Variants in WWC1 observed in about 807,000 individuals in gnomAD.
The protein encoded by WWC1 is protein KIBRA.
Under a neutral mutation model 138.4 loss-of-function variants are expected in WWC1, and 55 were observed. The observed-to-expected ratio is 0.40, with a 90% CI of 0.32 to 0.50. The LOEUF is 0.50. Ranked by LOEUF, WWC1 falls within the 20% of genes least tolerant of loss-of-function variation. The probability of loss-of-function intolerance (pLI) is 0.72; values close to 1 mark genes in which losing one functional copy is unlikely to be tolerated. For synonymous variants in WWC1, 524 were observed against 564.9 expected (o/e 0.93, Z 1.03); for missense variants, 1,226 against 1,420.4 (o/e 0.86, Z 2.20).
intron 15 of WWC1, 123 bp from the exon 16 acceptor site, chr5:168,441,559 C>A: frequency 2.2e-6 from 2 of 921,064 alleles, no homozygotes; most frequent in Non-Finnish European, 3.2e-6. Context: ...TCTCTTCCTG[C>A]CGGGATGCCT....
At chr5:168,395,940 T>A (rs1019908328) in intron 3 of WWC1, among the ~76,000 whole-genome samples, 1 of 152,250 alleles carries the variant, frequency 6.6e-6, no homozygotes, top group African/African-American at 2.4e-5. Flanking sequence ...AAAATATTTT[T>A]AAACAAAGCC....
At chr5:168,351,626 G>A (rs1051254441) in intron 1 of WWC1, among the ~76,000 whole-genome samples, 1 of 152,214 alleles carries the variant, frequency 6.6e-6, no homozygotes, top group Non-Finnish European at 1.5e-5. Flanking sequence ...AAGGCTGCAG[G>A]TGGGAGACAG....
rs1757198488 is a variant in WWC1 at position 168,465,547 on chromosome 5, G to GTTTTTTTT, written c.3150+585_3150+586insTTTTTTTT. Among the ~76,000 whole-genome samples the GTTTTTTTT allele has an allele frequency of 9.8e-5, 2 of 20,394 alleles. 1 individual carries two copies. Among genetic ancestry groups the GTTTTTTTT allele is most frequent in the Admixed American group, 1.4e-3 (2 of 1,480 alleles). 13.4% of individuals were successfully genotyped at this position (20,394 alleles called of 152,430 possible). A position where few individuals can be genotyped will look rare whatever the true frequency, so the allele number is the denominator to read the frequency against. ...GCACACAAAGTTTTATATCAGCTGG[G>GTTTTTTTT]CTTTTTTTTTTTTTTTTTTTTTTTT... On this transcript the variant is annotated intron_variant, in intron 21 of 22. Transcript: ENST00000265293.
intron 8 of WWC1, chr5:168,414,066 C>A: frequency 2.5e-6 from 1 of 396,582 alleles, no homozygotes; most frequent in African/African-American, 2.0e-5. Flanking sequence ...GAGGTTAGTG[C>A]CTGGTGATGA....
rs1781830573 is a variant in WWC1, at chr5:168,430,139, A to G, written c.2003A>G (p.Tyr668Cys). Residue 668 changes from tyrosine (Y) to cysteine (C), a missense_variant and splice_region_variant, in exon 14 of 23, where the codon TAT (tyrosine) becomes TGT (cysteine). Transcript: ENST00000265293. Reference protein sequence around the residue: ...GATRIQIALKYDEKNKQFAIL... With the variant: ...GATRIQIALKCDEKNKQFAIL... ...TCATATGCCCCTTTTCATTTCAGGT[A>G]TGATGAGAAGAATAAGCAATTTGCA... 3 of 1,611,486 alleles carry G rather than the reference A, an allele frequency of 1.9e-6. No individual in the cohort carries two copies. The highest frequency in any genetic ancestry group is 4.5e-5 in the East Asian group (2 of 44,874).
intron 1 of WWC1, among the ~76,000 whole-genome samples, chr5:168,362,663 A>T (rs1350663721): frequency 6.6e-6 from 1 of 152,236 alleles, no homozygotes; most frequent in East Asian, 1.9e-4. Context: ...CTGAAATCTT[A>T]AACCCAACAG....
At chr5:168,359,599 C>A (rs1339815416) in intron 1 of WWC1, among the ~76,000 whole-genome samples, 2 of 152,002 alleles carry the variant, frequency 1.3e-5, no homozygotes, top group African/African-American at 2.4e-5. Context: ...GAAATTGTGC[C>A]AATTAAACTA....
chr5:168,369,353 C>A (rs78345460), intron 1 of WWC1, among the ~76,000 whole-genome samples: 1,802 of 152,280 alleles, frequency 0.012, 34 homozygotes, highest in Non-Finnish European at 0.015. Flanking sequence ...CTCACACAGC[C>A]AGTAAGTGAT....
intron 1 of WWC1, among the ~76,000 whole-genome samples, chr5:168,347,047 A>G (rs1368247177): frequency 6.6e-6 from 1 of 152,132 alleles, no homozygotes; most frequent in Non-Finnish European, 1.5e-5. Context: ...TTCCTGGATC[A>G]TTCTGAGTCT....
At chr5:168,394,852 C>T (rs976218741) in intron 3 of WWC1, among the ~76,000 whole-genome samples, 11 of 152,146 alleles carry the variant, frequency 7.2e-5, no homozygotes, top group Non-Finnish European at 1.6e-4. Flanking sequence ...GTGAAAATTC[C>T]TCAGGCTGTA....
intron 1 of WWC1, among the ~76,000 whole-genome samples, chr5:168,319,628 G>A (rs1450191326): frequency 3.3e-5 from 5 of 152,102 alleles, no homozygotes; most frequent in Admixed American, 6.6e-5. Flanking sequence ...AGCCTCCTGA[G>A]TAGTTGGGAC....
At chr5:168,367,102 T>G (rs1042188442) in intron 1 of WWC1, among the ~76,000 whole-genome samples, 2 of 152,036 alleles carry the variant, frequency 1.3e-5, no homozygotes, top group Non-Finnish European at 2.9e-5. Flanking sequence ...CAGCCGACTT[T>G]GAAACACTTA....
chr5:168,463,634 A>T (rs1757004899), intron 20 of WWC1, among the ~76,000 whole-genome samples: 2 of 152,162 alleles, frequency 1.3e-5, no homozygotes, highest in African/African-American at 4.8e-5. Flanking sequence ...GTGATTTTTG[A>T]TGGGAGGAGA....
chr5:168,294,751 G>A (rs1008562711), intron 1 of WWC1, among the ~76,000 whole-genome samples: 13 of 151,988 alleles, frequency 8.6e-5, no homozygotes, highest in Non-Finnish European at 1.6e-4. Context: ...TCAACCTCCC[G>A]AGTAGCTGGG....
chr5:168,454,851 TTA>T (rs1285555335), intron 18 of WWC1, among the ~76,000 whole-genome samples: 1 of 152,244 alleles, frequency 6.6e-6, no homozygotes, highest in East Asian at 1.9e-4. Context: ...TTTTGTTTGT[TTA>T]TGTTTTCCTG....
chr5:168,408,782 G>A, intron 7 of WWC1, 129 bp downstream of exon 7: 1 of 1,267,150 alleles, frequency 7.9e-7, no homozygotes, highest in Non-Finnish European at 1.1e-6. Context: ...GCTGGCTGCT[G>A]CCTCAGCCCT....
At chr5:168,389,746 T>C (rs1213592219) in intron 3 of WWC1, among the ~76,000 whole-genome samples, 1 of 152,042 alleles carries the variant, frequency 6.6e-6, no homozygotes, top group Non-Finnish European at 1.5e-5. Flanking sequence ...CATGGGACCA[T>C]GTCAGAGTTT....
chr5:168,360,037 A>G (rs78505351), intron 1 of WWC1, among the ~76,000 whole-genome samples: 2,651 of 152,318 alleles, frequency 0.017, 80 homozygotes, highest in African/African-American at 0.06. Flanking sequence ...TAGGGGTTAA[A>G]AGTGCTTACA....
At chr5:168,343,716 G>C (rs2152780303) in intron 1 of WWC1, among the ~76,000 whole-genome samples, 1 of 152,050 alleles carries the variant, frequency 6.6e-6, no homozygotes, top group Non-Finnish European at 1.5e-5. Flanking sequence ...CAGCTACTTG[G>C]GAGGCTGAGG....
Sources: allele counts gnomAD v4.1 joint callset (sites outside exome capture counted in the v4.1 genomes callset), GRCh38; gene constraint gnomAD v4.1.1; transcripts MANE v1.5; gene names NCBI Gene and HGNC (gene_info 2026-07-23, HGNC 2026-07-21).